Variants in CACNA1D observed in about 807,000 individuals in gnomAD.
CACNA1D encodes the protein calcium voltage-gated channel subunit alpha1 D.
A neutral mutation model predicts 257.1 loss-of-function variants in CACNA1D; 55 were observed. The ratio of observed to expected loss-of-function variants is 0.21; its 90% CI spans 0.17 to 0.27. CACNA1D has a LOEUF of 0.27. Among genes scored for constraint, CACNA1D ranks in the 10% least tolerant of loss-of-function variants. CACNA1D has a pLI of 1.00. For missense variants in CACNA1D, 1,876 were observed against 2,784.0 expected, an observed-to-expected ratio of 0.67 and a Z score of 7.34; for synonymous variants, 980 against 1,014.9, an observed-to-expected ratio of 0.97 and a Z score of 0.65.
At chr3:53,559,084 A>G (rs1032073919) in intron 3 of CACNA1D, among the ~76,000 whole-genome samples, 12 of 152,072 alleles carry the variant, frequency 7.9e-5, no homozygotes, top group African/African-American at 2.9e-4. Context: ...TTCATGTTTT[A>G]CATTAGATAA....
At chr3:53,804,634 G>T (rs566156257) in intron 44 of CACNA1D, among the ~76,000 whole-genome samples, 1 of 152,190 alleles carries the variant, frequency 6.6e-6, no homozygotes, top group African/African-American at 2.4e-5. Context: ...CATGCATCTT[G>T]GTGTCCTTGG....
intron 3 of CACNA1D, among the ~76,000 whole-genome samples, chr3:53,554,419 C>T (rs1199957340): frequency 2.0e-5 from 3 of 152,272 alleles, no homozygotes; most frequent in African/African-American, 7.2e-5. Flanking sequence ...CTGTGTCTAG[C>T]CTCACAGCCC....
At chr3:53,554,141 A>G (rs1351940201) in intron 3 of CACNA1D, among the ~76,000 whole-genome samples, 3 of 151,556 alleles carry the variant, frequency 2.0e-5, no homozygotes, top group African/African-American at 7.3e-5. Flanking sequence ...GCTTGCAGTG[A>G]GCCAAGATGG....
At position 53,723,704 on chromosome 3, in the gene CACNA1D, G is replaced by T. The variant is rs370445628; in HGVS notation, c.1892+45G>T. 1 of 1,596,956 alleles carries T rather than the reference G, an allele frequency of 6.3e-7. No individual in the cohort carries two copies. Among genetic ancestry groups the T allele is most frequent in the East Asian group, 2.2e-5 (1 of 44,796 alleles). ...ACTGCAAATGTTTTATGAACATGAG[G>T]CGGCAACCAGTCACATCCCCGGGCA... On this transcript the variant is annotated intron_variant, in intron 13 of 47. Transcript: ENST00000350061. The surrounding 1 kb of genome is among the most constrained non-coding windows in gnomAD (Gnocchi z 5.6).
At position 53,494,649 on chromosome 3, in the gene CACNA1D, A is replaced by AGCGG. The variant is rs1389357866; in HGVS notation, c.-510_-507dup. 14 of 144,610 alleles carry AGCGG rather than the reference A, an allele frequency of 9.7e-5. No homozygotes were observed. In the East Asian group the frequency reaches 2.5e-3, roughly 26 times the overall value. 9.0% of individuals were successfully genotyped at this position (144,610 alleles called of 1,614,324 possible). A position where few individuals can be genotyped will look rare whatever the true frequency, so the allele number is the denominator to read the frequency against. ...GGCGCGGCGCGGCGGGCGCGGAGCG[A>AGCGG]GCGGGCGGGCGAGCGCCTCCGTCCC... On this transcript the variant is annotated 5_prime_UTR_variant, in exon 1 of 48. Transcript: ENST00000350061.
chr3:53,694,646 A>G (rs2094557794), intron 8 of CACNA1D, among the ~76,000 whole-genome samples: 2 of 152,198 alleles, frequency 1.3e-5, no homozygotes, highest in African/African-American at 4.8e-5. Flanking sequence ...TGAGCAGCCC[A>G]GGGGGCAGTG....
chr3:53,525,592 G>A (rs2091734684), intron 3 of CACNA1D, among the ~76,000 whole-genome samples: 1 of 152,124 alleles, frequency 6.6e-6, no homozygotes, highest in African/African-American at 2.4e-5. Flanking sequence ...GCAGGTTTTT[G>A]TTATTTTCTG....
chr3:53,749,502 C>A, intron 27 of CACNA1D, 33 bp downstream of exon 27: 1 of 1,491,190 alleles, frequency 6.7e-7, no homozygotes, highest in Non-Finnish European at 9.4e-7. Context: ...GCTTCTGTCC[C>A]TTGGTCAGGA....
In CACNA1D at chr3:53,808,697, G is replaced by T. The variant is rs749020396; in HGVS notation, c.5798G>T (p.Ser1933Ile). The change falls in exon 46 of 48, where the codon AGC (serine) becomes ATC (isoleucine). Residue 1933 changes from serine (S) to isoleucine (I), a missense_variant. Transcript: ENST00000350061. ...FNFECLRRQS[S>I]QEEVPSSPIF... Reference sequence around the variant, plus strand: ...TTTGAGTGCCTGCGCCGGCAGAGCAGCCAGGAAGAGGTCCCGTCGTCTCCC... The same window carrying T: ...TTTGAGTGCCTGCGCCGGCAGAGCATCCAGGAAGAGGTCCCGTCGTCTCCC... The T allele has an allele frequency of 6.2e-7, 1 of 1,609,594 alleles. No homozygotes were observed.
intron 3 of CACNA1D, among the ~76,000 whole-genome samples, chr3:53,555,437 GGTGTGT>G (rs1165879084): frequency 6.5e-5 from 8 of 122,916 alleles, no homozygotes; most frequent in African/African-American, 2.7e-4. Flanking sequence ...TTTTCTGGTG[GGTGTGT>G]GTGTGTGTGT....
chr3:53,528,410 A>G (rs2091836969), intron 3 of CACNA1D, among the ~76,000 whole-genome samples: 1 of 152,082 alleles, frequency 6.6e-6, no homozygotes, highest in African/African-American at 2.4e-5. Flanking sequence ...CTATCTCTGT[A>G]CTGTTATTAT....
At position 53,727,014 on chromosome 3, in the gene CACNA1D, G is replaced by A. The variant is rs376360089; in HGVS notation, c.2221+15G>A. On this transcript the variant is annotated intron_variant, in intron 15 of 47. Transcript: ENST00000350061. ...TTGTGGTAACTGTATCCTTCAAGCC[G>A]ACCAGGCTTTGTTGTTGCCGTCGTT... The A allele has an allele frequency of 5.0e-5, 81 of 1,613,884 alleles. 1 individual carries two copies. The highest frequency in any genetic ancestry group is 6.3e-5 in the Non-Finnish European group (74 of 1,179,910).
intron 3 of CACNA1D, among the ~76,000 whole-genome samples, chr3:53,609,923 TCA>T (rs1309971633): frequency 6.6e-6 from 1 of 152,234 alleles, no homozygotes; most frequent in Non-Finnish European, 1.5e-5. Flanking sequence ...TTACCTATGC[TCA>T]GTTTTTTTGG....
At chr3:53,599,697 G>A (rs528341996) in intron 3 of CACNA1D, among the ~76,000 whole-genome samples, 4 of 152,246 alleles carry the variant, frequency 2.6e-5, no homozygotes, top group South Asian at 2.1e-4. Flanking sequence ...ACACCATACC[G>A]TACATGAATT....
At chr3:53,787,211 C>T (rs367576969) in intron 40 of CACNA1D, among the ~76,000 whole-genome samples, 2 of 152,110 alleles carry the variant, frequency 1.3e-5, no homozygotes, top group Non-Finnish European at 2.9e-5. Context: ...GAGGAGCGAG[C>T]GCTACCCTCG....
intron 3 of CACNA1D, among the ~76,000 whole-genome samples, chr3:53,555,460 G>GTGTGT (rs1553725643): frequency 5.1e-5 from 4 of 78,366 alleles, no homozygotes; most frequent in South Asian, 9.6e-4. Context: ...GTGTGTGTGT[G>GTGTGT]TTTTTTTTTT....
chr3:53,578,780 A>G (rs544906305), intron 3 of CACNA1D, among the ~76,000 whole-genome samples: 265 of 152,252 alleles, frequency 1.7e-3, no homozygotes, highest in African/African-American at 6.1e-3. Context: ...GCTTAATGCT[A>G]TGGTATTGTC....
chr3:53,526,618 C>T (rs544660195), intron 3 of CACNA1D, among the ~76,000 whole-genome samples: 9 of 152,294 alleles, frequency 5.9e-5, no homozygotes, highest in East Asian at 1.9e-4. Context: ...TGCAATGGCA[C>T]GCCCTCCAAT....
rs554898228 is a variant in CACNA1D, at chr3:53,710,973, G to A, written c.1391-7328G>A. 1.8e-4 allele frequency among the ~76,000 whole-genome samples: 28 copies of A among 152,306 alleles called. No individual in the cohort carries two copies. In the South Asian group the frequency reaches 5.6e-3, roughly 30 times the overall value. The stretch of plus-strand genomic sequence containing the variant: ...TAGCTGGATGCAGTGGCTCACACCT[G>A]TAATTCCAGCACTTTAGGAAGCCGA... On this transcript the variant is annotated intron_variant, in intron 9 of 47. Transcript: ENST00000350061.
Sources: allele counts gnomAD v4.1 joint callset (sites outside exome capture counted in the v4.1 genomes callset), GRCh38; gene constraint gnomAD v4.1.1; non-coding constraint Gnocchi (gnomAD v3.1); transcripts MANE v1.5; gene names NCBI Gene and HGNC (gene_info 2026-07-23, HGNC 2026-07-21).